The following SKAP1 variants were observed in gnomAD, a reference collection of about 807,000 sequenced individuals.
SKAP1 encodes the protein src kinase-associated phosphoprotein 1.
Under a neutral mutation model 58.5 loss-of-function variants are expected in SKAP1, and 44 were observed. That is an observed-to-expected ratio of 0.75 (90% CI 0.59 to 0.97). SKAP1 has a LOEUF of 0.97. Ranked by LOEUF, SKAP1 falls within the 50% of genes least tolerant of loss-of-function variation. SKAP1 has a pLI of 0.00. For synonymous variants in SKAP1, 127 were observed against 149.7 expected (o/e 0.85, Z 1.11); for missense variants, 390 against 435.2 (o/e 0.90, Z 0.92).
At chr17:48,159,616 A>C (rs1005206769) in intron 11 of SKAP1, among the ~76,000 whole-genome samples, 11 of 152,342 alleles carry the variant, frequency 7.2e-5, no homozygotes, top group Non-Finnish European at 5.9e-5. Flanking sequence ...TAAAGTGGGA[A>C]TAAATTAGGA....
rs1453786574 is a variant in SKAP1 at position 48,396,715 on chromosome 17, G to C, written c.117C>G (p.Asp39Glu). The change falls in exon 2 of 13, where the codon GAC becomes GAG. Residue 39 changes from aspartate to glutamate, a missense_variant. Physicochemically the swap from Asp to Glu is conservative, Grantham distance 45 (BLOSUM62 2). Coordinates refer to ENST00000336915, the MANE Select transcript of SKAP1 (RefSeq NM_003726.4). ...TTTGCTGAAAGCCCCGTAGAATATGGTCTCTGTGATCCCTTGCAACAGCGC... is the reference window on the plus strand; with the variant it reads ...TTTGCTGAAAGCCCCGTAGAATATGCTCTCTGTGATCCCTTGCAACAGCGC... The part of the protein sequence containing the change: ...NLSAVARDHR[D>E]HILRGFQQIK... The C allele has an allele frequency of 6.2e-7, 1 of 1,613,136 alleles. No individual in the cohort carries two copies. The highest frequency in any genetic ancestry group is 8.5e-7 in the Non-Finnish European group (1 of 1,179,400).
chr17:48,206,279 AG>A (rs1204471686), intron 4 of SKAP1, among the ~76,000 whole-genome samples: 1 of 152,162 alleles, frequency 6.6e-6, no homozygotes, highest in South Asian at 2.1e-4. Context: ...GATATAACAA[AG>A]GATATAGGTA....
chr17:48,430,025 C>A, intron 1 of SKAP1, 50 bp downstream of exon 1: 2 of 1,251,924 alleles, frequency 1.6e-6, no homozygotes, highest in South Asian at 3.8e-5. Context: ...CCTGGTGTCC[C>A]CTTTCGGCCT....
At chr17:48,148,701 G>A (rs2063862767) in intron 11 of SKAP1, among the ~76,000 whole-genome samples, 1 of 152,152 alleles carries the variant, frequency 6.6e-6, no homozygotes, top group Admixed American at 6.5e-5. Context: ...AAGGGCCATT[G>A]CTACAATATC....
chr17:48,151,534 A>C (rs1023447455), intron 11 of SKAP1, among the ~76,000 whole-genome samples: 1 of 152,196 alleles, frequency 6.6e-6, no homozygotes. Flanking sequence ...ACAAAGAAAA[A>C]CACATCCTCT....
chr17:48,424,158 T>G (rs1450325155), intron 1 of SKAP1, among the ~76,000 whole-genome samples: 1 of 151,864 alleles, frequency 6.6e-6, no homozygotes, highest in Non-Finnish European at 1.5e-5. Context: ...TTTTGGTTCA[T>G]AGATAGCACC....
intron 2 of SKAP1, among the ~76,000 whole-genome samples, chr17:48,383,971 C>G (rs1434192542): frequency 6.6e-6 from 1 of 152,080 alleles, no homozygotes. Flanking sequence ...AGTGCTCTAC[C>G]TGCCTCAGCC....
chr17:48,356,463 A>G (rs2066877608), intron 3 of SKAP1, among the ~76,000 whole-genome samples: 1 of 152,154 alleles, frequency 6.6e-6, no homozygotes, highest in South Asian at 2.1e-4. Context: ...GCATATAATG[A>G]AAGTTCATCT....
At chr17:48,243,028 C>T (rs1056544127) in intron 4 of SKAP1, among the ~76,000 whole-genome samples, 6 of 152,152 alleles carry the variant, frequency 3.9e-5, no homozygotes, top group South Asian at 2.1e-4. Flanking sequence ...TCTAACTCTT[C>T]GAAGGAACAT....
intron 4 of SKAP1, among the ~76,000 whole-genome samples, chr17:48,243,143 C>T: frequency 6.6e-6 from 1 of 152,240 alleles, no homozygotes; most frequent in Admixed American, 6.5e-5. Flanking sequence ...TAATCAGATA[C>T]AAACATTATA....
At chr17:48,156,564 A>C in intron 11 of SKAP1, 1 of 473,494 alleles carries the variant, frequency 2.1e-6, no homozygotes. Context: ...TCTGAGTCCA[A>C]AAGGAACACA....
chr17:48,373,315 C>A (rs2067110070), intron 2 of SKAP1, among the ~76,000 whole-genome samples: 1 of 152,110 alleles, frequency 6.6e-6, no homozygotes, highest in Non-Finnish European at 1.5e-5. Flanking sequence ...CACTCACTAT[C>A]ATGAGAGCAG....
chr17:48,280,925 A>G (rs1002247876), intron 4 of SKAP1, among the ~76,000 whole-genome samples: 1 of 152,218 alleles, frequency 6.6e-6, no homozygotes, highest in Non-Finnish European at 1.5e-5. Flanking sequence ...GGTTCTTTTC[A>G]GTTTCAGTGA....
intron 4 of SKAP1, among the ~76,000 whole-genome samples, chr17:48,231,573 C>T (rs911196942): frequency 6.6e-6 from 1 of 151,492 alleles, no homozygotes; most frequent in African/African-American, 2.4e-5. Context: ...AGGAATTTTA[C>T]GCTGAGACCT....
intron 12 of SKAP1, among the ~76,000 whole-genome samples, chr17:48,135,111 G>A (rs2144558184): frequency 6.6e-6 from 1 of 152,302 alleles, no homozygotes; most frequent in Non-Finnish European, 1.5e-5. Context: ...TGACAGGCCT[G>A]AGCTGGTGTT....
Position 48,182,391 on chromosome 17 carries a change from TA to T in SKAP1, c.631+2del. On this transcript the variant is annotated splice_donor_variant, in intron 8 of 12. Coordinates refer to ENST00000336915, the MANE Select transcript of SKAP1 (RefSeq NM_003726.4). LOFTEE classifies it high-confidence loss of function. ...GTATTATTTCTGTAACAATGACACT[TA>T]CCCTTTAACAAGAAACTTATTTGAT... The T allele has an allele frequency of 6.3e-7, 1 of 1,596,948 alleles. No homozygotes were observed. Among genetic ancestry groups the T allele is most frequent in the Non-Finnish European group, 8.6e-7 (1 of 1,166,856 alleles).
At chr17:48,366,512 A>G (rs1020836686) in intron 2 of SKAP1, among the ~76,000 whole-genome samples, 3 of 152,144 alleles carry the variant, frequency 2.0e-5, no homozygotes, top group African/African-American at 7.2e-5. Context: ...ACACTTCAAA[A>G]CCTGGGAAGA....
chr17:48,352,073 A>T (rs2066809562), intron 3 of SKAP1, among the ~76,000 whole-genome samples: 1 of 146,788 alleles, frequency 6.8e-6, no homozygotes, highest in South Asian at 2.1e-4. Context: ...AAAAAGAAAC[A>T]AGAAAAGAGA....
intron 4 of SKAP1, chr17:48,204,470 A>C (rs2064768704): frequency 6.6e-6 from 1 of 152,080 alleles, no homozygotes; most frequent in East Asian, 1.9e-4. Context: ...ACCATGCTAC[A>C]CATTTTATCT....
Sources: gnomAD v4.1 joint callset for allele counts (sites outside exome capture counted in the v4.1 genomes callset) on GRCh38, gnomAD v4.1.1 for gene constraint, MANE v1.5 for transcripts, NCBI Gene and HGNC (gene_info 2026-07-23, HGNC 2026-07-21) for gene names.